Variants in WDPCP observed in about 807,000 individuals in gnomAD.
WDPCP encodes WD repeat containing planar cell polarity effector, also known as WD repeat-containing and planar cell polarity effector protein fritz homolog.
Under a neutral mutation model 93.1 loss-of-function variants are expected in WDPCP, and 71 were observed. The ratio of observed to expected loss-of-function variants is 0.76; its 90% confidence interval spans 0.63 to 0.93. The LOEUF is 0.93. Ranked by LOEUF, WDPCP falls within the 40% of genes least tolerant of loss-of-function variation. WDPCP has a pLI of 0.00. For synonymous variants in WDPCP, 315 were observed against 315.0 expected, an observed-to-expected ratio of 1.00 and a Z score of 0.00; for missense variants, 844 against 887.4, an observed-to-expected ratio of 0.95 and a Z score of 0.62.
intron 6 of WDPCP, chr2:63,442,307 G>C (rs1697551757): frequency 6.6e-6 from 1 of 152,100 alleles, no homozygotes; most frequent in African/African-American, 2.4e-5. Flanking sequence ...ATAGGATGAG[G>C]ATTAAATAAC....
chr2:63,624,776 T>TC (rs1222972371), intron 3 of WDPCP, among the ~76,000 whole-genome samples: 1 of 152,216 alleles, frequency 6.6e-6, no homozygotes, highest in Non-Finnish European at 1.5e-5. Flanking sequence ...TACCATTCCT[T>TC]CTGAAACTAT....
chr2:63,718,514 A>C (rs2103777754), intron 2 of WDPCP, among the ~76,000 whole-genome samples: 1 of 152,288 alleles, frequency 6.6e-6, no homozygotes, highest in South Asian at 2.1e-4. Flanking sequence ...AGTGACGTAG[A>C]GCATTTTTTC....
At chr2:63,151,208 G>A (rs187656967) in intron 17 of WDPCP, among the ~76,000 whole-genome samples, 6 of 152,242 alleles carry the variant, frequency 3.9e-5, no homozygotes, top group Admixed American at 2.6e-4. Flanking sequence ...AGTTGTGACA[G>A]GATGCTGTTT....
intron 9 of WDPCP, among the ~76,000 whole-genome samples, chr2:63,418,112 A>G (rs1695568359): frequency 1.3e-5 from 2 of 152,326 alleles, no homozygotes; most frequent in Non-Finnish European, 2.9e-5. Flanking sequence ...CTTGCAAATA[A>G]GAAGGTGAAA....
chr2:63,571,301 G>C (rs933825525), intron 1 of WDPCP: 1 of 442,960 alleles, frequency 2.3e-6, no homozygotes, highest in African/African-American at 2.0e-5. Context: ...AAACCTCACA[G>C]AAGAATGTTA....
intron 6 of WDPCP, among the ~76,000 whole-genome samples, chr2:63,462,661 A>G (rs1229567666): frequency 6.6e-6 from 1 of 152,120 alleles, no homozygotes; most frequent in Non-Finnish European, 1.5e-5. Context: ...GCAGAAAGGG[A>G]TGGAGAACCT....
chr2:63,154,897 A>T (rs1366444565), intron 15 of WDPCP, among the ~76,000 whole-genome samples: 2 of 152,182 alleles, frequency 1.3e-5, no homozygotes, highest in African/African-American at 4.8e-5. Flanking sequence ...AATTTCCCAA[A>T]TAGCTCATGA....
At chr2:63,622,468 C>T (rs570626884) in intron 3 of WDPCP, 79 of 1,613,898 alleles carry the variant, frequency 4.9e-5, no homozygotes, top group African/African-American at 1.5e-4. Flanking sequence ...TCAGTCCAGC[C>T]GCTGTTGTCA....
chr2:63,684,289 A>G, intron 2 of WDPCP: 1 of 584,686 alleles, frequency 1.7e-6, no homozygotes. Flanking sequence ...CTGTAGGCCC[A>G]AGTGGTTGCT....
chr2:63,233,822 C>T (rs1474159804), intron 14 of WDPCP, among the ~76,000 whole-genome samples: 1 of 152,124 alleles, frequency 6.6e-6, no homozygotes, highest in Non-Finnish European at 1.5e-5. Flanking sequence ...TAATGATGCC[C>T]TCACTTAGGG....
intron 1 of WDPCP, among the ~76,000 whole-genome samples, chr2:63,522,921 A>C (rs1427798382): frequency 6.6e-6 from 1 of 152,228 alleles, no homozygotes; most frequent in Non-Finnish European, 1.5e-5. Flanking sequence ...AAATTTCTCC[A>C]AAAACTGAGA....
intron 9 of WDPCP, among the ~76,000 whole-genome samples, chr2:63,406,340 C>A: frequency 6.6e-6 from 1 of 152,188 alleles, no homozygotes; most frequent in African/African-American, 2.4e-5. Flanking sequence ...CCTTCCCTCC[C>A]TCACACTCTT....
chr2:63,191,558 G>A (rs1422771822), intron 14 of WDPCP, among the ~76,000 whole-genome samples: 2 of 152,096 alleles, frequency 1.3e-5, no homozygotes, highest in African/African-American at 2.4e-5. Flanking sequence ...CAATTCCTAA[G>A]AGCCACAGTC....
At chr2:63,446,350 G>A (rs1166674990) in intron 6 of WDPCP, among the ~76,000 whole-genome samples, 1 of 152,186 alleles carries the variant, frequency 6.6e-6, no homozygotes, top group Non-Finnish European at 1.5e-5. Context: ...AACTGTGCAT[G>A]TGTTCTCAAC....
Position 63,790,896 on chromosome 2 carries a change from G to C in WDPCP, n.308+22726C>G, listed in dbSNP as rs796514558. ...TAATCAGATTTTTAAAACACACATTGTTTAGTTTTCCTTTACATATAATAA... is the reference window on the plus strand; with the variant it reads ...TAATCAGATTTTTAAAACACACATTCTTTAGTTTTCCTTTACATATAATAA... On this transcript the variant is annotated intron_variant and non_coding_transcript_variant, in intron 2 of 4. Transcript: ENST00000467687. 4.8e-4 allele frequency among the ~76,000 whole-genome samples: 73 copies of C among 152,284 alleles called. 1 individual carries two copies. Among genetic ancestry groups the C allele is most frequent in the African/African-American group, 1.7e-3 (69 of 41,564 alleles).
intron 3 of WDPCP, among the ~76,000 whole-genome samples, chr2:63,602,934 C>T (rs1390593332): frequency 2.3e-5 from 3 of 131,536 alleles, no homozygotes; most frequent in Non-Finnish European, 3.4e-5. Flanking sequence ...TTTAACCGTT[C>T]TTTTTTTTTT....
intron 14 of WDPCP, among the ~76,000 whole-genome samples, chr2:63,234,661 ATTAGT>A (rs1679228537): frequency 6.6e-6 from 1 of 152,142 alleles, no homozygotes; most frequent in Non-Finnish European, 1.5e-5. Context: ...TTTCTCTGTG[ATTAGT>A]TTATTATGGT....
chr2:63,173,381 T>G (rs1006625213), intron 15 of WDPCP, among the ~76,000 whole-genome samples: 1 of 152,232 alleles, frequency 6.6e-6, no homozygotes, highest in African/African-American at 2.4e-5. Context: ...TTCTGTCACT[T>G]GCCCTAATGA....
At chr2:63,810,176 T>C (rs147144946) in intron 2 of WDPCP, among the ~76,000 whole-genome samples, 13 of 152,330 alleles carry the variant, frequency 8.5e-5, no homozygotes, top group African/African-American at 3.1e-4. Flanking sequence ...TTAGAGGTTC[T>C]ATATTGCTTT....
Sources: allele counts gnomAD v4.1 joint callset (sites outside exome capture counted in the v4.1 genomes callset), GRCh38; gene constraint gnomAD v4.1.1; transcripts MANE v1.5; gene names NCBI Gene and HGNC (gene_info 2026-07-23, HGNC 2026-07-21).